ENOX2: variants seen among roughly 807,000 people sequenced by gnomAD.
ENOX2 encodes the protein APK1 antigen.
In ENOX2, 36 loss-of-function variants were observed where a neutral mutation model predicts 45.0. The observed-to-expected ratio is 0.80, with a 90% confidence interval of 0.61 to 1.06. ENOX2 has a LOEUF of 1.06. Among genes scored for constraint, ENOX2 ranks in the 50% least tolerant of loss-of-function variants. ENOX2 has a pLI of 0.00. For synonymous variants in ENOX2, 174 were observed against 152.3 expected, an observed-to-expected ratio of 1.14 and a Z score of -1.05; for missense variants, 423 against 462.5, an observed-to-expected ratio of 0.91 and a Z score of 0.78.
chrX:130,757,781 T>C (rs1000152572), intron 3 of ENOX2, among the ~76,000 whole-genome samples: 4 of 110,806 alleles, frequency 3.6e-5, no homozygotes, highest in African/African-American at 1.3e-4. Context: ...TTGCCCAAGC[T>C]GGATTGCAGT....
At chrX:130,645,979 C>T (rs188440466) in intron 10 of ENOX2, 2 of 645,884 alleles carry the variant, frequency 3.1e-6, no homozygotes, top group East Asian at 3.2e-5. Context: ...CACCTCATCA[C>T]GGATGAACTC....
chrX:130,728,538 G>A (rs1346482239), intron 3 of ENOX2, among the ~76,000 whole-genome samples: 1 of 111,504 alleles, frequency 9.0e-6, no homozygotes, highest in Admixed American at 9.5e-5. Flanking sequence ...TCTAGGTGTA[G>A]GGGCTGCTCC....
At chrX:130,671,766 T>A (rs1185280846) in intron 6 of ENOX2, among the ~76,000 whole-genome samples, 1 of 111,329 alleles carries the variant, frequency 9.0e-6, no homozygotes, top group African/African-American at 3.3e-5. Flanking sequence ...GGAGAAAAAT[T>A]AGCCCTAAAC....
At chrX:130,723,651 C>T (rs1453424640) in intron 3 of ENOX2, among the ~76,000 whole-genome samples, 2 of 111,809 alleles carry the variant, frequency 1.8e-5, no homozygotes, top group Non-Finnish European at 1.9e-5. Context: ...TTAAATATTA[C>T]TCTTCATTGC....
At chrX:130,816,296 T>C (rs1249664945) in intron 2 of ENOX2, among the ~76,000 whole-genome samples, 1 of 110,980 alleles carries the variant, frequency 9.0e-6, no homozygotes, top group Non-Finnish European at 1.9e-5. Flanking sequence ...CAAAGAGACT[T>C]AGACTCCCAC....
rs1191948339 is a variant in ENOX2 at position 130,785,377 on chromosome X, T to C, written c.-182-1687A>G. ...TTAAATTATTATTTATAATAAAGAG[T>C]ATCCTCTTGCTAATGTTTTCAGCCC... On this transcript the variant is annotated intron_variant, in intron 2 of 14. Transcript: ENST00000394363. Among the ~76,000 whole-genome samples, 4 of 106,758 alleles carry C rather than the reference T, an allele frequency of 3.7e-5. No homozygotes were observed. The Admixed American group carries it at 4.0e-4, about 11-fold the overall frequency. The allele number at this position is 106,758 out of a possible 115,157, so 92.7% of individuals were successfully genotyped here. A position where few individuals can be genotyped will look rare whatever the true frequency, so the allele number is the denominator to read the frequency against.
At chrX:130,849,033 G>C (rs973687113) in intron 2 of ENOX2, among the ~76,000 whole-genome samples, 1 of 111,967 alleles carries the variant, frequency 8.9e-6, no homozygotes, top group South Asian at 3.7e-4. Flanking sequence ...AATGAAACTC[G>C]CATCTGTAGA....
intron 2 of ENOX2, among the ~76,000 whole-genome samples, chrX:130,831,270 T>C (rs963581307): frequency 2.7e-5 from 3 of 111,660 alleles, no homozygotes; most frequent in Non-Finnish European, 5.7e-5. Flanking sequence ...ACTGTTAACA[T>C]TGGCAATTAA....
intron 2 of ENOX2, among the ~76,000 whole-genome samples, chrX:130,900,783 T>C (rs2079133082): frequency 8.9e-6 from 1 of 111,914 alleles, no homozygotes; most frequent in African/African-American, 3.3e-5. Context: ...CTCCATAGCA[T>C]TTTGTACCTG....
intron 3 of ENOX2, among the ~76,000 whole-genome samples, chrX:130,768,671 C>T (rs2039671031): frequency 8.9e-6 from 1 of 111,914 alleles, no homozygotes; most frequent in Admixed American, 9.5e-5. Flanking sequence ...AACTGAAAGA[C>T]TTGAGCACCT....
At chrX:130,846,099 G>A (rs957570031) in intron 2 of ENOX2, among the ~76,000 whole-genome samples, 18 of 111,279 alleles carry the variant, frequency 1.6e-4, no homozygotes, top group African/African-American at 5.6e-4. Flanking sequence ...CAGGGGTCAG[G>A]AAAGCTCACC....
At chrX:130,845,467 T>C (rs780223773) in intron 2 of ENOX2, among the ~76,000 whole-genome samples, 2 of 112,438 alleles carry the variant, frequency 1.8e-5, no homozygotes, top group Non-Finnish European at 3.8e-5. Flanking sequence ...TTTGTTTGTT[T>C]GTTGGTTTGT....
intron 10 of ENOX2, chrX:130,645,871 T>G: frequency 1.5e-6 from 1 of 674,794 alleles, no homozygotes; most frequent in Non-Finnish European, 2.4e-6. Flanking sequence ...CCCCTGCAGG[T>G]TCAAGACCAT....
intron 3 of ENOX2, among the ~76,000 whole-genome samples, chrX:130,751,411 C>T (rs940758713): frequency 1.8e-4 from 20 of 111,920 alleles, no homozygotes; most frequent in South Asian, 7.5e-4. Context: ...AATATTCTAC[C>T]GTATGGATAT....
At chrX:130,873,725 T>C (rs2078643231) in intron 2 of ENOX2, among the ~76,000 whole-genome samples, 1 of 111,476 alleles carries the variant, frequency 9.0e-6, no homozygotes, top group Non-Finnish European at 1.9e-5. Context: ...TAAAAAAGGA[T>C]GAGTTCATGT....
chrX:130,790,492 G>C (rs1283275710), intron 2 of ENOX2, among the ~76,000 whole-genome samples: 1 of 112,315 alleles, frequency 8.9e-6, no homozygotes, highest in Non-Finnish European at 1.9e-5. Context: ...TGAGGATCTT[G>C]TAAAAATGCA....
intron 2 of ENOX2, among the ~76,000 whole-genome samples, chrX:130,852,238 A>G (rs1010139015): frequency 1.8e-5 from 2 of 112,305 alleles, no homozygotes; most frequent in African/African-American, 6.5e-5. Context: ...AGAATTTTCT[A>G]TTCTTTCTTC....
chrX:130,810,204 CT>C (rs903033251), intron 2 of ENOX2, among the ~76,000 whole-genome samples: 13 of 110,907 alleles, frequency 1.2e-4, no homozygotes, highest in Non-Finnish European at 1.7e-4. Flanking sequence ...AATCCCACTG[CT>C]GGGCAGGCTC....
intron 10 of ENOX2, chrX:130,646,004 G>C: frequency 1.7e-6 from 1 of 603,940 alleles, no homozygotes; most frequent in Non-Finnish European, 2.9e-6. Context: ...ACGTTTGTGA[G>C]AGGAAGGATT....
Sources: allele counts gnomAD v4.1 joint callset (sites outside exome capture counted in the v4.1 genomes callset), GRCh38; gene constraint gnomAD v4.1.1; transcripts MANE v1.5; gene names NCBI Gene and HGNC (gene_info 2026-07-23, HGNC 2026-07-21).